FUT8: variants seen among roughly 807,000 people sequenced by gnomAD.
FUT8 encodes the protein alpha-(1,6)-fucosyltransferase.
A neutral mutation model predicts 71.3 loss-of-function variants in FUT8; 29 were observed. That is an observed-to-expected ratio of 0.41 (90% CI 0.30 to 0.55). FUT8 has a LOEUF of 0.55. Among genes scored for constraint, FUT8 ranks in the 20% least tolerant of loss-of-function variants. The pLI, the probability that FUT8 is intolerant of heterozygous loss-of-function variation, is 0.34. For missense variants in FUT8, 544 were observed against 702.1 expected (o/e 0.77, Z 2.55); for synonymous variants, 254 against 239.3 (o/e 1.06, Z -0.57).
chr14:65,678,409 G>A (rs577076303), intron 7 of FUT8, among the ~76,000 whole-genome samples: 46 of 152,270 alleles, frequency 3.0e-4, no homozygotes, highest in Non-Finnish European at 3.7e-4. Flanking sequence ...TCAAAAATAT[G>A]CTCCTAATCA....
chr14:65,525,558 T>G (rs1016652564), intron 2 of FUT8, among the ~76,000 whole-genome samples: 2 of 152,240 alleles, frequency 1.3e-5, no homozygotes, highest in African/African-American at 4.8e-5. Flanking sequence ...TGTGTCTCTA[T>G]CTCTCAGTTC....
chr14:65,726,038 G>GTA (rs1308315229), intron 9 of FUT8, among the ~76,000 whole-genome samples: 5 of 152,220 alleles, frequency 3.3e-5, no homozygotes, highest in South Asian at 4.1e-4. Context: ...ACTGAGATGT[G>GTA]TATATATATA....
intron 8 of FUT8, 104 bp downstream of exon 8, chr14:65,722,125 G>C (rs1431157445): frequency 1.4e-6 from 2 of 1,386,688 alleles, no homozygotes; most frequent in African/African-American, 2.9e-5. Context: ...AATTTTTATA[G>C]TCCCACCAAA....
intron 10 of FUT8, among the ~76,000 whole-genome samples, chr14:65,737,334 AT>A (rs1305918265): frequency 6.6e-6 from 1 of 152,122 alleles, no homozygotes; most frequent in Non-Finnish European, 1.5e-5. Context: ...AGTCCTCAGG[AT>A]TTAATATGAA....
intron 2 of FUT8, among the ~76,000 whole-genome samples, chr14:65,515,679 TTAAC>T (rs1047255199): frequency 2.6e-5 from 4 of 152,152 alleles, no homozygotes; most frequent in African/African-American, 9.6e-5. Flanking sequence ...ATTGTTGAGT[TTAAC>T]TGTGTGTCAA....
At chr14:65,600,522 A>G (rs1252296245) in intron 3 of FUT8, among the ~76,000 whole-genome samples, 4 of 152,224 alleles carry the variant, frequency 2.6e-5, no homozygotes, top group Admixed American at 6.5e-5. Flanking sequence ...AACAACTTAC[A>G]TTTAAATATC....
chr14:65,584,369 G>A (rs937989395), intron 3 of FUT8, among the ~76,000 whole-genome samples: 71 of 152,054 alleles, frequency 4.7e-4, no homozygotes, highest in African/African-American at 1.5e-3. Context: ...TAGTAGAGAC[G>A]GGGTTTCGCC....
chr14:65,646,429 T>G (rs1254437621), intron 6 of FUT8: 1 of 152,234 alleles, frequency 6.6e-6, no homozygotes, highest in Non-Finnish European at 1.5e-5. Context: ...TGCCTCTAGT[T>G]AAAATTTTGT....
chr14:65,414,976 G>A (rs554768215), intron 1 of FUT8, among the ~76,000 whole-genome samples: 2 of 152,172 alleles, frequency 1.3e-5, no homozygotes, highest in African/African-American at 4.8e-5. Context: ...AATCAGTTCT[G>A]TTTAAGATGT....
In FUT8 at chr14:65,717,837, G is replaced by GT. The variant is rs895629911; in HGVS notation, c.836-3929dup. Among the ~76,000 whole-genome samples, 31 of 151,836 alleles carry GT rather than the reference G, an allele frequency of 2.0e-4. No homozygotes were observed. The South Asian group carries it at 2.1e-3, about 10-fold the overall frequency. ...ACCTCCTTCTTTGTCCCTTTTTATA[G>GT]TTTTTTTTTCTTGAAATCTATTTTG... On this transcript the variant is annotated intron_variant, in intron 7 of 10. Transcript: ENST00000673929.
intron 7 of FUT8, among the ~76,000 whole-genome samples, chr14:65,692,380 G>T (rs866927216): frequency 7.2e-6 from 1 of 138,980 alleles, no homozygotes; most frequent in African/African-American, 2.7e-5. Context: ...CCTCCCTCCC[G>T]GACGGGGCGG....
At chr14:65,569,065 T>C (rs1886343696) in intron 3 of FUT8, among the ~76,000 whole-genome samples, 1 of 151,864 alleles carries the variant, frequency 6.6e-6, no homozygotes, top group African/African-American at 2.4e-5. Context: ...ATTTCATTGA[T>C]TCCTGCCTTT....
rs949865923 is a variant in FUT8 at position 65,561,392 on chromosome 14, G to T, written c.-172G>T. ...AAGCTTCCTACACATATCACCAGGA[G>T]GATCTCTTTGAAAGATTCACTGCAG... On this transcript the variant is annotated 5_prime_UTR_variant, in exon 3 of 11. The change creates a new upstream start codon in the 5' untranslated region. Transcript: ENST00000673929. 4.8e-5 allele frequency: 30 copies of T among 627,622 alleles called. No individual in the cohort carries two copies. The African/African-American group carries it at 5.3e-4, about 11-fold the overall frequency. 38.9% of individuals were successfully genotyped at this position (627,622 alleles called of 1,614,324 possible).
chr14:65,672,716 C>T (rs887404533), intron 7 of FUT8, among the ~76,000 whole-genome samples: 9 of 152,210 alleles, frequency 5.9e-5, no homozygotes, highest in African/African-American at 1.9e-4. Context: ...CCACCTCAGC[C>T]TCCCAAAGTG....
chr14:65,383,112 C>T, the FUT8 span, among the ~76,000 whole-genome samples: 30 of 152,118 alleles, frequency 2.0e-4, no homozygotes, highest in Non-Finnish European at 4.0e-4. Context: ...ATTTTAGAAT[C>T]TTATTGCAAT....
chr14:65,481,613 C>CG (rs1231732988), intron 2 of FUT8, among the ~76,000 whole-genome samples: 6 of 152,168 alleles, frequency 3.9e-5, no homozygotes, highest in African/African-American at 1.4e-4. Flanking sequence ...TCCCCCACTA[C>CG]TACCCATCCT....
At chr14:65,446,107 A>G (rs1275342872) in intron 1 of FUT8, among the ~76,000 whole-genome samples, 5 of 152,232 alleles carry the variant, frequency 3.3e-5, no homozygotes, top group African/African-American at 1.2e-4. Context: ...TACTACGTAT[A>G]TATGTATATT....
intron 2 of FUT8, among the ~76,000 whole-genome samples, chr14:65,553,681 GA>G (rs1885419751): frequency 6.6e-6 from 1 of 151,244 alleles, no homozygotes; most frequent in South Asian, 2.1e-4. Flanking sequence ...TTTATCCAGT[GA>G]AAGGTATTAT....
intron 2 of FUT8, among the ~76,000 whole-genome samples, chr14:65,521,199 A>G (rs1449726482): frequency 1.3e-5 from 2 of 150,238 alleles, no homozygotes; most frequent in African/African-American, 2.5e-5. Flanking sequence ...TAAATGCTTT[A>G]TATGTTTAAA....
Sources: gnomAD v4.1 joint callset for allele counts (sites outside exome capture counted in the v4.1 genomes callset) on GRCh38, gnomAD v4.1.1 for gene constraint, MANE v1.5 for transcripts, NCBI Gene and HGNC (gene_info 2026-07-23, HGNC 2026-07-21) for gene names.